Variants in FAM50B observed in about 807,000 individuals in gnomAD.
FAM50B encodes protein FAM50B.
Under a neutral mutation model 25.4 loss-of-function variants are expected in FAM50B, and 9 were observed. That is an observed-to-expected ratio of 0.35 (90% CI 0.21 to 0.62). FAM50B has a LOEUF of 0.62. FAM50B is among the 20% of genes least tolerant of loss of function. The pLI is 0.73. For synonymous variants in FAM50B, 212 were observed against 204.3 expected (o/e 1.04, Z -0.32); for missense variants, 372 against 477.9 (o/e 0.78, Z 2.07).
the FAM50B span, among the ~76,000 whole-genome samples, chr6:3,844,176 G>T: frequency 6.5e-4 from 99 of 152,238 alleles, 1 homozygote; most frequent in East Asian, 0.018. Flanking sequence ...TTTTAGTTTT[G>T]TGAGATTTTT....
Position 3,850,405 on chromosome 6 carries a change from G to A in FAM50B, c.594G>A (p.Arg198=). ...TFSYWDGSGH[R]RTVRVRKGNT... is the part of the protein sequence containing the mutation. ...GCTACTGGGACGGCTCGGGCCACCG[G>A]CGCACGGTGCGGGTGCGCAAGGGCA... Residue 198 remains arginine (R), a synonymous_variant, in exon 2 of 2, where the codon CGG becomes CGA. Coordinates refer to ENST00000648326, the MANE Select transcript of FAM50B (RefSeq NM_012135.3). 3 of 1,613,346 alleles carry A rather than the reference G, an allele frequency of 1.9e-6. No individual in the cohort carries two copies. The highest frequency in any genetic ancestry group is 2.5e-6 in the Non-Finnish European group (3 of 1,179,926).
the FAM50B span, among the ~76,000 whole-genome samples, chr6:3,833,457 G>A: frequency 6.6e-5 from 10 of 152,298 alleles, no homozygotes; most frequent in African/African-American, 2.4e-4. Flanking sequence ...GCTCATTTCA[G>A]CACTCAGCTT....
chr6:3,836,335 C>A, the FAM50B span, among the ~76,000 whole-genome samples: 4 of 152,180 alleles, frequency 2.6e-5, no homozygotes, highest in African/African-American at 4.8e-5. Flanking sequence ...CAATTGCAAT[C>A]AACTCTTGTA....
At chr6:3,844,815 T>A (rs1427950639), upstream of FAM50B, among the ~76,000 whole-genome samples, 4 of 152,214 alleles carry the variant, frequency 2.6e-5, 1 homozygote, top group Admixed American at 1.3e-4. Context: ...TATGTGCACA[T>A]AAAATATTGG....
chr6:3,838,858 A>AC, the FAM50B span, among the ~76,000 whole-genome samples: 143 of 150,672 alleles, frequency 9.5e-4, 1 homozygote, highest in African/African-American at 3.3e-3. Context: ...AAAAAAAAAA[A>AC]AACACACACA....
chr6:3,845,401 T>C (rs954600898), upstream of FAM50B, among the ~76,000 whole-genome samples: 1 of 152,180 alleles, frequency 6.6e-6, no homozygotes, highest in Non-Finnish European at 1.5e-5. Flanking sequence ...CAAGTTCTGA[T>C]TCGATTAGAG....
At position 3,850,844 on chromosome 6, in the gene FAM50B, C is replaced by T. The variant is rs1458199254; in HGVS notation, c.*55C>T. The stretch of plus-strand genomic sequence containing the variant: ...TGGGGGGAGACACTCATTTCTAGGC[C>T]CCATCACCAGTCACTTGATTTCGTG... On this transcript the variant is annotated 3_prime_UTR_variant, in exon 2 of 2. Coordinates refer to ENST00000648326, the MANE Select transcript of FAM50B (RefSeq NM_012135.3). The T allele has an allele frequency of 1.9e-6, 3 of 1,573,636 alleles. No homozygotes were observed. The highest frequency in any genetic ancestry group is 1.7e-6 in the Non-Finnish European group (2 of 1,160,152).
chr6:3,833,076 T>C, the FAM50B span, among the ~76,000 whole-genome samples: 75 of 152,262 alleles, frequency 4.9e-4, no homozygotes, highest in African/African-American at 1.7e-3. Flanking sequence ...GCAAGGCTGG[T>C]CTTGAACTCC....
the FAM50B span, among the ~76,000 whole-genome samples, chr6:3,843,525 C>T: frequency 6.6e-5 from 10 of 152,142 alleles, no homozygotes; most frequent in Non-Finnish European, 1.3e-4. Flanking sequence ...GAAATTGTGA[C>T]ATCTCTTAGG....
the FAM50B span, among the ~76,000 whole-genome samples, chr6:3,840,168 AT>A: frequency 5.3e-5 from 8 of 151,794 alleles, no homozygotes; most frequent in East Asian, 1.4e-3. Flanking sequence ...AATTTTTTGT[AT>A]TTTTTAGTAG....
chr6:3,840,964 TTTTA>T, the FAM50B span, among the ~76,000 whole-genome samples: 1 of 152,256 alleles, frequency 6.6e-6, no homozygotes, highest in Non-Finnish European at 1.5e-5. Flanking sequence ...GCTCATGTCT[TTTTA>T]TTTATTTGGC....
chr6:3,834,426 C>T, the FAM50B span, among the ~76,000 whole-genome samples: 17 of 136,996 alleles, frequency 1.2e-4, no homozygotes, highest in Admixed American at 8.6e-4. Context: ...ATGTAAGTAA[C>T]GAACTGAGGG....
the FAM50B span, chr6:3,833,937 G>GATAGA: frequency 6.6e-6 from 1 of 152,206 alleles, no homozygotes. Context: ...ACTCTCAACT[G>GATAGA]ATAGAATATA....
chr6:3,844,872 T>C (rs1037292877), upstream of FAM50B, among the ~76,000 whole-genome samples: 2 of 152,246 alleles, frequency 1.3e-5, no homozygotes, highest in Non-Finnish European at 2.9e-5. Flanking sequence ...TGTGTTCATG[T>C]TGAGTGAACT....
At chr6:3,837,398 A>G in the FAM50B span, among the ~76,000 whole-genome samples, 1 of 152,208 alleles carries the variant, frequency 6.6e-6, no homozygotes, top group African/African-American at 2.4e-5. Flanking sequence ...AACCCAATTA[A>G]AAAATGAACA....
chr6:3,843,917 T>C, the FAM50B span, among the ~76,000 whole-genome samples: 4 of 152,274 alleles, frequency 2.6e-5, no homozygotes, highest in East Asian at 1.9e-4. Flanking sequence ...GGAGGGATCA[T>C]TGAGTGGAGA....
the FAM50B span, among the ~76,000 whole-genome samples, chr6:3,836,871 C>T: frequency 6.6e-6 from 1 of 152,168 alleles, no homozygotes; most frequent in East Asian, 1.9e-4. Flanking sequence ...GGGAGGCAGG[C>T]TACAGTCCCT....
At chr6:3,836,550 A>G in the FAM50B span, among the ~76,000 whole-genome samples, 11 of 152,348 alleles carry the variant, frequency 7.2e-5, no homozygotes, top group African/African-American at 2.4e-4. Flanking sequence ...TAGAACAATT[A>G]TAGATAATCC....
chr6:3,836,474 C>T, the FAM50B span, among the ~76,000 whole-genome samples: 2 of 152,170 alleles, frequency 1.3e-5, no homozygotes, highest in Non-Finnish European at 2.9e-5. Context: ...GCATCACTCA[C>T]AATAAGTTCT....
Sources: allele counts gnomAD v4.1 joint callset (sites outside exome capture counted in the v4.1 genomes callset), GRCh38; gene constraint gnomAD v4.1.1; transcripts MANE v1.5; gene names NCBI Gene and HGNC (gene_info 2026-07-23, HGNC 2026-07-21).